SNTG1: variants seen among roughly 807,000 people sequenced by gnomAD.
The protein encoded by SNTG1 is gamma-1-syntrophin.
In SNTG1, 39 loss-of-function variants were observed where a neutral mutation model predicts 74.7. That is an observed-to-expected ratio of 0.52 (90% CI 0.40 to 0.68). The LOEUF is 0.68. Among genes scored for constraint, SNTG1 ranks in the 30% least tolerant of loss-of-function variants. The pLI is 0.00. For missense variants in SNTG1, 685 were observed against 609.5 expected, an observed-to-expected ratio of 1.12 and a Z score of -1.30; for synonymous variants, 254 against 217.1, an observed-to-expected ratio of 1.17 and a Z score of -1.49.
chr8:50,747,623 T>C (rs1380173700), intron 17 of SNTG1, among the ~76,000 whole-genome samples: 2 of 152,092 alleles, frequency 1.3e-5, no homozygotes, highest in East Asian at 1.9e-4. Context: ...TTTACCTCTG[T>C]TACTTTAATT....
At chr8:50,693,532 G>C (rs1339542194) in intron 15 of SNTG1, among the ~76,000 whole-genome samples, 2 of 152,110 alleles carry the variant, frequency 1.3e-5, no homozygotes, top group Non-Finnish European at 2.9e-5. Flanking sequence ...AACAATTATA[G>C]AGGCTTCAAT....
chr8:50,662,487 T>G (rs2095229207), intron 15 of SNTG1, among the ~76,000 whole-genome samples: 1 of 152,208 alleles, frequency 6.6e-6, no homozygotes, highest in South Asian at 2.1e-4. Context: ...TATTCCCATT[T>G]TAGAGATTTG....
At chr8:50,292,384 A>G (rs1298885905) in intron 2 of SNTG1, among the ~76,000 whole-genome samples, 2 of 152,154 alleles carry the variant, frequency 1.3e-5, no homozygotes, top group African/African-American at 4.8e-5. Context: ...TAGAAAATGG[A>G]TGGTCAATGA....
At chr8:50,764,485 G>A (rs1373624754) in intron 18 of SNTG1, among the ~76,000 whole-genome samples, 1 of 151,894 alleles carries the variant, frequency 6.6e-6, no homozygotes, top group African/African-American at 2.4e-5. Flanking sequence ...CTCAAAAGAA[G>A]ACATAATAAT....
chr8:50,537,933 ATAAT>A (rs1447493865), intron 11 of SNTG1, among the ~76,000 whole-genome samples: 1 of 152,204 alleles, frequency 6.6e-6, no homozygotes, highest in Non-Finnish European at 1.5e-5. Flanking sequence ...GTCCATTTTG[ATAAT>A]TAATTTTAAG....
chr8:49,928,176 T>A (rs1241571033), intron 1 of SNTG1, among the ~76,000 whole-genome samples: 1 of 148,448 alleles, frequency 6.7e-6, no homozygotes, highest in Non-Finnish European at 1.5e-5. Flanking sequence ...AATAAATAAA[T>A]AAATAAAAAT....
At chr8:50,196,054 T>G (rs1369959512) in intron 2 of SNTG1, among the ~76,000 whole-genome samples, 1 of 152,160 alleles carries the variant, frequency 6.6e-6, no homozygotes, top group African/African-American at 2.4e-5. Context: ...CAGGAATTAT[T>G]TGGGCTTAAT....
chr8:50,010,769 A>G (rs1247809598), intron 1 of SNTG1, among the ~76,000 whole-genome samples: 1 of 149,778 alleles, frequency 6.7e-6, no homozygotes, highest in African/African-American at 2.4e-5. Context: ...TGACATATCC[A>G]AGGACACAGG....
intron 1 of SNTG1, among the ~76,000 whole-genome samples, chr8:49,931,147 C>T (rs1807550897): frequency 6.6e-6 from 1 of 152,118 alleles, no homozygotes; most frequent in Non-Finnish European, 1.5e-5. Flanking sequence ...AACAGATAGA[C>T]CAAACAAAAT....
chr8:50,300,070 A>G (rs948504569), intron 2 of SNTG1, among the ~76,000 whole-genome samples: 2 of 152,142 alleles, frequency 1.3e-5, no homozygotes, highest in African/African-American at 4.8e-5. Context: ...TTTTGAGATT[A>G]GTTTTAGTAT....
At chr8:50,242,770 TATATTATCTATTTATATTACC>T (rs2086223410) in intron 2 of SNTG1, among the ~76,000 whole-genome samples, 1 of 150,062 alleles carries the variant, frequency 6.7e-6, no homozygotes, top group African/African-American at 2.4e-5. Flanking sequence ...TCTATTATCA[TATATTATCTATTTATATTACC>T]ATATTATCTA....
intron 1 of SNTG1, among the ~76,000 whole-genome samples, chr8:50,093,179 T>G (rs1407848061): frequency 6.6e-6 from 1 of 152,128 alleles, no homozygotes. Context: ...TACTCTAAAG[T>G]AATTCTCAAA....
rs187636016 is a variant in SNTG1 at position 50,601,114 on chromosome 8, C to T, written c.849+10197C>T. On this transcript the variant is annotated intron_variant, in intron 13 of 18. Coordinates refer to ENST00000642720, the MANE Select transcript of SNTG1 (RefSeq NM_018967.5). ...TGGAGGTTTCAGTGAGCCGAGATCG[C>T]GTCACTTCACTCCAGCCTGGTGACA... 8.0e-3 allele frequency among the ~76,000 whole-genome samples: 1,035 copies of T among 128,720 alleles called. 12 individuals are homozygous for T. Among genetic ancestry groups the T allele is most frequent in the African/African-American group, 0.028 (944 of 33,420 alleles). The allele number at this position is 128,720 out of a possible 152,430, so 84.4% of individuals were successfully genotyped here.
At chr8:50,743,964 CAGAG>C (rs71550237) in intron 17 of SNTG1, among the ~76,000 whole-genome samples, 46,715 of 149,974 alleles carry the variant, frequency 0.31, 8,830 homozygotes, top group African/African-American at 0.53. Context: ...AAAATAGGAG[CAGAG>C]AGAGAGAGAG....
intron 1 of SNTG1, among the ~76,000 whole-genome samples, chr8:50,121,349 G>A (rs552150374): frequency 7.0e-6 from 1 of 142,134 alleles, no homozygotes; most frequent in African/African-American, 2.5e-5. Flanking sequence ...GCCTCTTGGA[G>A]TTCTGGTGTT....
chr8:50,655,942 C>T (rs575655027), intron 13 of SNTG1, among the ~76,000 whole-genome samples: 1 of 152,202 alleles, frequency 6.6e-6, no homozygotes, highest in South Asian at 2.1e-4. Context: ...GTGTTCCTAT[C>T]CTGGGTATGA....
At chr8:50,665,873 T>C (rs1467914088) in intron 15 of SNTG1, among the ~76,000 whole-genome samples, 1 of 152,120 alleles carries the variant, frequency 6.6e-6, no homozygotes, top group Non-Finnish European at 1.5e-5. Context: ...AGTTTCAAAG[T>C]ACCTCCTCAG....
chr8:50,014,998 G>C (rs562690020), intron 1 of SNTG1, among the ~76,000 whole-genome samples: 2 of 148,730 alleles, frequency 1.3e-5, no homozygotes, highest in Non-Finnish European at 3.0e-5. Flanking sequence ...AAGTAGAAAA[G>C]TATACCACAT....
At chr8:49,928,114 G>A (rs1807200152) in intron 1 of SNTG1, among the ~76,000 whole-genome samples, 1 of 150,178 alleles carries the variant, frequency 6.7e-6, no homozygotes, top group Non-Finnish European at 1.5e-5. Flanking sequence ...GGGCAACAGA[G>A]TGAGACTCTG....
Sources: gnomAD v4.1 joint callset for allele counts (sites outside exome capture counted in the v4.1 genomes callset) on GRCh38, gnomAD v4.1.1 for gene constraint, MANE v1.5 for transcripts, NCBI Gene and HGNC (gene_info 2026-07-23, HGNC 2026-07-21) for gene names.